DCDC1: variants seen among roughly 807,000 people sequenced by gnomAD.
The protein encoded by DCDC1 is doublecortin domain containing 1, also known as doublecortin domain-containing protein 1.
DCDC1 carries 200 observed loss-of-function variants against 178.3 expected under a neutral mutation model. That is an observed-to-expected ratio of 1.12 (90% CI 1.00 to 1.26). The LOEUF (loss-of-function observed/expected upper bound fraction) is 1.26, where lower values mean the gene tolerates loss of function less well. Ranked by LOEUF, DCDC1 falls within the 50% of genes most tolerant of loss-of-function variation. The pLI is 0.00. For synonymous variants in DCDC1, 690 were observed against 604.8 expected (o/e 1.14, Z -2.07); for missense variants, 1,983 against 1,749.2 (o/e 1.13, Z -2.38).
intron 9 of DCDC1, among the ~76,000 whole-genome samples, chr11:31,175,856 C>A (rs549491024): frequency 2.3e-4 from 35 of 152,208 alleles, no homozygotes; most frequent in Non-Finnish European, 4.7e-4. Flanking sequence ...TACTCAGAAC[C>A]GAAGTTAATG....
chr11:31,220,083 A>G lies in DCDC1; in HGVS notation c.1221+21367T>C, dbSNP rs79410392. 9.3e-3 allele frequency among the ~76,000 whole-genome samples: 1,411 copies of G among 152,330 alleles called. 12 individuals carry two copies. Among genetic ancestry groups the G allele is most frequent in the Non-Finnish European group, 0.012 (794 of 68,026 alleles). ...TGTGAACAGAAAAAGAGAAGATTTA[A>G]TAACAATAACCCTATATTCTAGGAA... On this transcript the variant is annotated intron_variant, in intron 9 of 38. Coordinates refer to ENST00000684477, the MANE Select transcript of DCDC1 (RefSeq NM_001387274.1).
intron 9 of DCDC1, among the ~76,000 whole-genome samples, chr11:31,226,598 A>G (rs1187851832): frequency 6.6e-6 from 1 of 151,912 alleles, no homozygotes; most frequent in Non-Finnish European, 1.5e-5. Flanking sequence ...TACATCAGAA[A>G]CTTGTGATGA....
At chr11:30,991,694 TAC>T (rs1950995119) in intron 20 of DCDC1, among the ~76,000 whole-genome samples, 1 of 152,150 alleles carries the variant, frequency 6.6e-6, no homozygotes, top group Non-Finnish European at 1.5e-5. Context: ...AAAATATATA[TAC>T]TTCTGGAATT....
chr11:31,212,082 CAA>C (rs34957766), intron 9 of DCDC1, among the ~76,000 whole-genome samples: 6 of 90,102 alleles, frequency 6.7e-5, no homozygotes, highest in African/African-American at 1.3e-4. Context: ...GACTCAGTCT[CAA>C]AAAAAAAAAA....
intron 2 of DCDC1, 119 bp from the exon 3 acceptor site, chr11:31,328,405 T>G (rs971516502): frequency 1.1e-6 from 1 of 950,276 alleles, no homozygotes; most frequent in African/African-American, 1.7e-5. Flanking sequence ...CATATAGCAA[T>G]GATTAAATGT....
At chr11:30,912,177 G>A (rs886947270) in intron 27 of DCDC1, among the ~76,000 whole-genome samples, 1 of 152,144 alleles carries the variant, frequency 6.6e-6, no homozygotes. Context: ...GCCCCCAGCT[G>A]CAAGAAAGCT....
intron 20 of DCDC1, among the ~76,000 whole-genome samples, chr11:31,048,927 T>A (rs964338296): frequency 6.6e-6 from 1 of 152,192 alleles, no homozygotes. Flanking sequence ...TGGCTACATA[T>A]ACTATAACAA....
intron 9 of DCDC1, among the ~76,000 whole-genome samples, chr11:31,199,441 A>T (rs1429027941): frequency 1.3e-5 from 2 of 152,132 alleles, no homozygotes; most frequent in Non-Finnish European, 2.9e-5. Context: ...ATTTTCCATC[A>T]AACTCAGAAG....
At chr11:31,177,387 T>G (rs208112) in intron 9 of DCDC1, among the ~76,000 whole-genome samples, 91,520 of 151,470 alleles carry the variant, frequency 0.6, 27,970 homozygotes, top group East Asian at 0.93. Context: ...CATCTTTGAA[T>G]AAATAATTTT....
rs12576522 is a variant in DCDC1, at chr11:31,184,128, C to T, written c.1222-46344G>A. Among the ~76,000 whole-genome samples the T allele has an allele frequency of 1.6e-4, 24 of 152,188 alleles. No individual in the cohort carries two copies. The East Asian group carries it at 2.9e-3, about 18-fold the overall frequency. On this transcript the variant is annotated intron_variant, in intron 9 of 38. Transcript: ENST00000684477. ...AACAGAACAGATGCCTCAGAAATAACGCCACACATCTACAACCATCTGATC... is the reference window on the plus strand; with the variant it reads ...AACAGAACAGATGCCTCAGAAATAATGCCACACATCTACAACCATCTGATC...
chr11:31,305,895 C>G, intron 5 of DCDC1, 118 bp from the exon 6 acceptor site: 1 of 1,176,592 alleles, frequency 8.5e-7, no homozygotes, highest in Non-Finnish European at 1.2e-6. Context: ...CTTGCCAATA[C>G]AGTTATTTTC....
chr11:31,173,603 T>C (rs1195145951), intron 9 of DCDC1, among the ~76,000 whole-genome samples: 1 of 152,152 alleles, frequency 6.6e-6, no homozygotes, highest in Non-Finnish European at 1.5e-5. Flanking sequence ...AACAAAAATT[T>C]AGGTTATAGG....
intron 17 of DCDC1, among the ~76,000 whole-genome samples, chr11:31,081,136 G>A (rs1957144555): frequency 6.6e-6 from 1 of 152,094 alleles, no homozygotes; most frequent in South Asian, 2.1e-4. Context: ...CATGTAACAG[G>A]ATATTAAAGC....
At chr11:31,313,576 C>G (rs971756732) in intron 3 of DCDC1, among the ~76,000 whole-genome samples, 6 of 116,244 alleles carry the variant, frequency 5.2e-5, no homozygotes, top group Non-Finnish European at 9.7e-5. Flanking sequence ...TTAAGATCTA[C>G]ATTTTTAAGA....
intron 38 of DCDC1, among the ~76,000 whole-genome samples, chr11:30,875,181 C>T (rs1056846567): frequency 7.9e-5 from 12 of 152,174 alleles, no homozygotes; most frequent in East Asian, 5.8e-4. Context: ...TTTTCATCAG[C>T]TTTCTCCTGA....
intron 11 of DCDC1, among the ~76,000 whole-genome samples, chr11:31,119,144 T>A (rs1259249256): frequency 6.6e-6 from 1 of 152,082 alleles, no homozygotes; most frequent in Non-Finnish European, 1.5e-5. Flanking sequence ...AGCTATCACA[T>A]GAGATGTGTA....
chr11:31,065,943 C>T (rs1956226719), intron 18 of DCDC1, among the ~76,000 whole-genome samples: 2 of 152,104 alleles, frequency 1.3e-5, no homozygotes, highest in South Asian at 4.1e-4. Context: ...ATTTGTTGGG[C>T]TCCCCGGTCA....
intron 9 of DCDC1, among the ~76,000 whole-genome samples, chr11:31,164,424 T>C (rs1394313581): frequency 1.3e-5 from 2 of 152,166 alleles, no homozygotes; most frequent in East Asian, 1.9e-4. Flanking sequence ...AGATAGCAGC[T>C]CCATGCATGT....
Position 30,906,559 on chromosome 11 carries a change from T to C in DCDC1, c.4085A>G (p.Lys1362Arg), listed in dbSNP as rs1231070827. The change falls in exon 30 of 39, where the codon AAG becomes AGG. Residue 1362 changes from lysine (K) to arginine (R), a missense_variant. Lys to Arg is a conservative substitution (Grantham distance 26). Coordinates refer to ENST00000684477, the MANE Select transcript of DCDC1 (RefSeq NM_001387274.1). ...TQKPFLQGPF[K>R]VISVAEVDLS... is the part of the protein sequence containing the mutation. The stretch of plus-strand genomic sequence containing the variant: ...ACATACCTCAGCCACACTGATGACC[T>C]TGAAGGGCCCTTGTAAGAAGGGCTT... 3 of 1,612,992 alleles carry C rather than the reference T, an allele frequency of 1.9e-6. No individual in the cohort carries two copies. The East Asian group carries it at 6.7e-5, about 36-fold the overall frequency.
Sources: allele counts gnomAD v4.1 joint callset (sites outside exome capture counted in the v4.1 genomes callset), GRCh38; gene constraint gnomAD v4.1.1; transcripts MANE v1.5; gene names NCBI Gene and HGNC (gene_info 2026-07-23, HGNC 2026-07-21).